Variants in RNF150 observed in about 807,000 individuals in gnomAD.
The protein encoded by RNF150 is ring finger protein 150.
RNF150 carries 24 observed loss-of-function variants against 39.3 expected under a neutral mutation model. That is an observed-to-expected ratio of 0.61 (90% CI 0.44 to 0.86). RNF150 has a LOEUF of 0.86. RNF150 is among the 40% of genes least tolerant of loss of function. The probability of loss-of-function intolerance (pLI) is 0.00; values close to 1 mark genes in which losing one functional copy is unlikely to be tolerated. For synonymous variants in RNF150, 255 were observed against 227.3 expected (o/e 1.12, Z -1.10); for missense variants, 502 against 587.8 (o/e 0.85, Z 1.51).
chr4:141,034,987 T>G (rs569436695), intron 1 of RNF150, among the ~76,000 whole-genome samples: 1 of 152,280 alleles, frequency 6.6e-6, no homozygotes, highest in Non-Finnish European at 1.5e-5. Flanking sequence ...CAGACATGCT[T>G]GATGTAAGGT....
At chr4:140,924,217 C>T (rs187415513) in intron 5 of RNF150, among the ~76,000 whole-genome samples, 1 of 152,272 alleles carries the variant, frequency 6.6e-6, no homozygotes, top group East Asian at 1.9e-4. Context: ...ACTTGTTAGG[C>T]ATCAAACCAT....
intron 1 of RNF150, among the ~76,000 whole-genome samples, chr4:141,165,777 T>C (rs1228259732): frequency 6.6e-6 from 1 of 152,038 alleles, no homozygotes; most frequent in African/African-American, 2.4e-5. Context: ...TGTACCAGAA[T>C]CTCGGGGGCA....
chr4:141,176,288 C>T (rs1258095450), intron 1 of RNF150, among the ~76,000 whole-genome samples: 1 of 152,124 alleles, frequency 6.6e-6, no homozygotes, highest in East Asian at 1.9e-4. Context: ...AAAGGCCCAA[C>T]CTCTTACTAC....
chr4:141,091,197 G>T (rs928804912), intron 1 of RNF150, among the ~76,000 whole-genome samples: 2 of 152,188 alleles, frequency 1.3e-5, no homozygotes, highest in African/African-American at 4.8e-5. Flanking sequence ...GGAAGGTCTA[G>T]CTTTCTTATC....
At chr4:141,129,785 T>A (rs749743733) in intron 1 of RNF150, among the ~76,000 whole-genome samples, 1 of 152,084 alleles carries the variant, frequency 6.6e-6, no homozygotes, top group African/African-American at 2.4e-5. Context: ...AAAACGTATA[T>A]GAAAAGGACA....
At chr4:140,919,327 C>A (rs1389274596) in intron 5 of RNF150, among the ~76,000 whole-genome samples, 2 of 142,922 alleles carry the variant, frequency 1.4e-5, no homozygotes, top group African/African-American at 2.6e-5. Flanking sequence ...TGATAAGCAA[C>A]TTCAGCGAAG....
chr4:141,198,210 A>G (rs1728236478), intron 1 of RNF150, among the ~76,000 whole-genome samples: 1 of 151,944 alleles, frequency 6.6e-6, no homozygotes. Context: ...TATTTTTAGT[A>G]GAGACGCGGT....
chr4:141,070,584 C>CAG (rs1259808886), intron 1 of RNF150, among the ~76,000 whole-genome samples: 5 of 150,790 alleles, frequency 3.3e-5, no homozygotes, highest in African/African-American at 1.2e-4. Context: ...CATGAACAGA[C>CAG]ACTTGTCAAA....
chr4:140,931,951 T>C (rs1361158626), intron 4 of RNF150, among the ~76,000 whole-genome samples: 1 of 152,216 alleles, frequency 6.6e-6, no homozygotes, highest in Non-Finnish European at 1.5e-5. Flanking sequence ...CCCAATTTAA[T>C]GACATTTTTT....
intron 6 of RNF150, among the ~76,000 whole-genome samples, chr4:140,883,903 ACT>A (rs1479468172): frequency 6.7e-6 from 1 of 150,306 alleles, no homozygotes; most frequent in Non-Finnish European, 1.5e-5. Flanking sequence ...TTCTTTTAGA[ACT>A]CTCATGATGC....
intron 1 of RNF150, among the ~76,000 whole-genome samples, chr4:141,207,589 C>T (rs1397749435): frequency 3.3e-5 from 5 of 151,664 alleles, no homozygotes; most frequent in South Asian, 2.1e-4. Flanking sequence ...ATATGAACTT[C>T]GGAGAGGATT....
chr4:141,026,167 T>G (rs2110804701), intron 1 of RNF150, among the ~76,000 whole-genome samples: 1 of 152,304 alleles, frequency 6.6e-6, no homozygotes. Context: ...GGTGCTTTTA[T>G]GTGTCTATGT....
At chr4:140,966,420 A>T (rs900001831) in intron 2 of RNF150, among the ~76,000 whole-genome samples, 21 of 152,232 alleles carry the variant, frequency 1.4e-4, no homozygotes, top group Non-Finnish European at 2.2e-4. Context: ...AAAATAAAAG[A>T]CAATGACAAG....
At chr4:141,082,737 C>G (rs1578708786) in intron 1 of RNF150, among the ~76,000 whole-genome samples, 1 of 151,758 alleles carries the variant, frequency 6.6e-6, no homozygotes, top group Non-Finnish European at 1.5e-5. Context: ...TACAGGCGCC[C>G]GCCACTACGC....
chr4:141,064,479 TGTA>T (rs1450467967), intron 1 of RNF150, among the ~76,000 whole-genome samples: 16 of 152,188 alleles, frequency 1.1e-4, no homozygotes, highest in Non-Finnish European at 1.5e-5. Context: ...TGTGCATTCC[TGTA>T]GTTCCAGCTA....
intron 6 of RNF150, among the ~76,000 whole-genome samples, chr4:140,892,904 A>AT (rs11441367): frequency 0.58 from 88,680 of 151,806 alleles, 26,399 homozygotes; most frequent in East Asian, 0.85. Flanking sequence ...CTTAAAAAAA[A>AT]AATAAGCTAA....
At chr4:141,181,629 C>T (rs1010157413) in intron 1 of RNF150, among the ~76,000 whole-genome samples, 5 of 152,158 alleles carry the variant, frequency 3.3e-5, no homozygotes, top group African/African-American at 1.2e-4. Flanking sequence ...CATACAAATG[C>T]TCTCTCTAAT....
Position 140,868,388 on chromosome 4 carries a change from A to C in RNF150, c.1199-9T>G. ...AGCTGGCTCCTGCTCACCTGGGAGG[A>C]GAAAGCAAAGTTCACAGTGAACACC... On this transcript the variant is annotated splice_polypyrimidine_tract_variant and intron_variant, in intron 6 of 6. Transcript: ENST00000515673. 6.6e-6 allele frequency: 10 copies of C among 1,508,444 alleles called. No homozygotes were observed. Among genetic ancestry groups the C allele is most frequent in the Non-Finnish European group, 8.3e-6 (9 of 1,083,590 alleles). The allele number at this position is 1,508,444 out of a possible 1,614,324, so 93.4% of individuals were successfully genotyped here.
At chr4:140,874,179 TA>T (rs1357137026) in intron 6 of RNF150, among the ~76,000 whole-genome samples, 1 of 152,214 alleles carries the variant, frequency 6.6e-6, no homozygotes, top group African/African-American at 2.4e-5. Context: ...AAATGTTACC[TA>T]AAGACTCACA....
Sources: allele counts gnomAD v4.1 joint callset (sites outside exome capture counted in the v4.1 genomes callset), GRCh38; gene constraint gnomAD v4.1.1; transcripts MANE v1.5; gene names NCBI Gene and HGNC (gene_info 2026-07-23, HGNC 2026-07-21).